Variants in GALNTL6 observed in about 807,000 individuals in gnomAD.
GALNTL6 encodes the protein polypeptide N-acetylgalactosaminyltransferase like 6, also known as polypeptide N-acetylgalactosaminyltransferase-like 6.
Under a neutral mutation model 73.7 loss-of-function variants are expected in GALNTL6, and 46 were observed. That is an observed-to-expected ratio of 0.62 (90% CI 0.49 to 0.80). The LOEUF is 0.80. Ranked by LOEUF, GALNTL6 falls within the 30% of genes least tolerant of loss-of-function variation. The pLI is 0.00. For synonymous variants in GALNTL6, 259 were observed against 263.7 expected (o/e 0.98, Z 0.17); for missense variants, 604 against 755.0 (o/e 0.80, Z 2.34).
chr4:172,769,267 G>A (rs1009959049), intron 5 of GALNTL6, among the ~76,000 whole-genome samples: 4 of 151,788 alleles, frequency 2.6e-5, no homozygotes, highest in Middle Eastern at 3.2e-3. Context: ...CTGGCTTGAG[G>A]TTTTAAAAAA....
At chr4:172,699,798 G>C (rs1208137004) in intron 5 of GALNTL6, among the ~76,000 whole-genome samples, 1 of 145,092 alleles carries the variant, frequency 6.9e-6, no homozygotes, top group East Asian at 1.9e-4. Flanking sequence ...GTGAAATATT[G>C]ATGTATTACA....
rs993906788 is a variant in GALNTL6, at chr4:172,940,369, CT to C, written c.1149+9112del. Among the ~76,000 whole-genome samples, 1,266 of 145,812 alleles carry C rather than the reference CT, an allele frequency of 8.7e-3. 19 individuals are homozygous for C. Among genetic ancestry groups the C allele is most frequent in the African/African-American group, 0.028 (1,134 of 40,036 alleles). On this transcript the variant is annotated intron_variant, in intron 9 of 12. Transcript: ENST00000506823. ...TTTATAGAATACAGAAAGTAATTTTCTTTTTTTTTTTGAAATGGAGTCCCAC... is the reference window on the plus strand; with the variant it reads ...TTTATAGAATACAGAAAGTAATTTTCTTTTTTTTTTGAAATGGAGTCCCAC...
At chr4:172,719,801 G>C (rs1426116710) in intron 5 of GALNTL6, among the ~76,000 whole-genome samples, 4 of 152,188 alleles carry the variant, frequency 2.6e-5, no homozygotes, top group Non-Finnish European at 5.9e-5. Flanking sequence ...AGGAATAAAA[G>C]AATGGCTACT....
chr4:172,547,903 G>A (rs1874504), intron 5 of GALNTL6, among the ~76,000 whole-genome samples: 126,622 of 152,130 alleles, frequency 0.83, 52,833 homozygotes, highest in Non-Finnish European at 0.87. Context: ...TCTGAAATTG[G>A]TTTGATGCTC....
At chr4:172,724,998 G>C (rs1281579650) in intron 5 of GALNTL6, among the ~76,000 whole-genome samples, 2 of 152,010 alleles carry the variant, frequency 1.3e-5, no homozygotes, top group Non-Finnish European at 2.9e-5. Flanking sequence ...TGCAATGGAA[G>C]TCTTCGTCTC....
chr4:172,348,567 T>A lies in GALNTL6; in HGVS notation c.431T>A (p.Ile144Asn). 1.2e-6 allele frequency: 2 copies of A among 1,613,320 alleles called. No individual in the cohort carries two copies. Among genetic ancestry groups the A allele is most frequent in the Non-Finnish European group, 1.7e-6 (2 of 1,179,414 alleles). ...CTGGAAAGGCTGCCAAACACCAGCA[T>A]CATTATCCCATTTCATAATGAAGGT... is the stretch of plus-strand genomic sequence containing the variant. ...MYLERLPNTS[I>N]IIPFHNEGWT... The change falls in exon 5 of 13, where the codon ATC (isoleucine) becomes AAC (asparagine). Residue 144 changes from isoleucine to asparagine, a missense_variant. Around this residue, in one of 5 missense-constraint regions of GALNTL6, gnomAD observed 9 missense variants for 30.3 expected, o/e 0.30. Transcript: ENST00000506823.
intron 2 of GALNTL6, among the ~76,000 whole-genome samples, chr4:171,952,051 C>A (rs961865468): frequency 1.3e-5 from 2 of 151,780 alleles, no homozygotes; most frequent in East Asian, 1.9e-4. Context: ...AACAAAAAAA[C>A]CATTCTTTGA....
chr4:173,004,112 C>A (rs1752168482), intron 10 of GALNTL6, among the ~76,000 whole-genome samples: 2 of 151,114 alleles, frequency 1.3e-5, no homozygotes, highest in African/African-American at 4.9e-5. Context: ...GAGTTAAAGA[C>A]TGTGGCAAGC....
chr4:172,271,955 A>G (rs994681912), intron 3 of GALNTL6, among the ~76,000 whole-genome samples: 6 of 149,898 alleles, frequency 4.0e-5, no homozygotes, highest in African/African-American at 1.3e-4. Context: ...ATATATATAT[A>G]TATATTTTTT....
chr4:172,760,131 C>T (rs1009473028), intron 5 of GALNTL6, among the ~76,000 whole-genome samples: 9 of 151,808 alleles, frequency 5.9e-5, no homozygotes, highest in Admixed American at 1.3e-4. Flanking sequence ...CCACCGCGCC[C>T]GGCCACCACA....
chr4:172,049,240 T>C (rs1730751173), intron 2 of GALNTL6, among the ~76,000 whole-genome samples: 1 of 152,112 alleles, frequency 6.6e-6, no homozygotes, highest in African/African-American at 2.4e-5. Flanking sequence ...AAATTTTTTT[T>C]TATAGAAAGC....
intron 3 of GALNTL6, among the ~76,000 whole-genome samples, chr4:172,271,933 G>A (rs942302760): frequency 1.3e-5 from 2 of 151,192 alleles, no homozygotes; most frequent in African/African-American, 4.9e-5. Context: ...AGAGAAGATA[G>A]GGCCATCATA....
At chr4:172,152,061 C>T (rs1206137319) in intron 2 of GALNTL6, among the ~76,000 whole-genome samples, 1 of 151,970 alleles carries the variant, frequency 6.6e-6, no homozygotes, top group African/African-American at 2.4e-5. Flanking sequence ...ACTGCAACCC[C>T]CACCTCCCGG....
At chr4:172,587,692 C>T (rs1203197037) in intron 5 of GALNTL6, among the ~76,000 whole-genome samples, 2 of 152,196 alleles carry the variant, frequency 1.3e-5, no homozygotes, top group African/African-American at 4.8e-5. Context: ...CTTATACATC[C>T]TTCCAGGATC....
chr4:172,935,494 C>G (rs1007460909), intron 9 of GALNTL6, among the ~76,000 whole-genome samples: 1 of 151,914 alleles, frequency 6.6e-6, no homozygotes, highest in East Asian at 1.9e-4. Flanking sequence ...AATCCAGGAG[C>G]TGGTTTTTTG....
At chr4:171,983,317 G>T (rs903532372) in intron 2 of GALNTL6, among the ~76,000 whole-genome samples, 2 of 152,046 alleles carry the variant, frequency 1.3e-5, no homozygotes, top group African/African-American at 2.4e-5. Flanking sequence ...GGGGCTTCCA[G>T]AACTAGTTTG....
At chr4:171,865,920 A>G (rs968075578) in intron 2 of GALNTL6, among the ~76,000 whole-genome samples, 1 of 152,192 alleles carries the variant, frequency 6.6e-6, no homozygotes, top group Non-Finnish European at 1.5e-5. Context: ...CGTAACAAAT[A>G]AGACACTTAA....
At chr4:172,480,326 A>G (rs977608588) in intron 5 of GALNTL6, among the ~76,000 whole-genome samples, 9 of 152,132 alleles carry the variant, frequency 5.9e-5, no homozygotes, top group African/African-American at 2.2e-4. Flanking sequence ...AAAGAAAAAA[A>G]AAAAGTCATA....
chr4:172,734,146 G>A (rs10222748), intron 5 of GALNTL6, among the ~76,000 whole-genome samples: 54,604 of 152,062 alleles, frequency 0.36, 10,856 homozygotes, highest in African/African-American at 0.52. Context: ...CGAGATCTGT[G>A]GAACTTTGAA....
Sources: allele counts gnomAD v4.1 joint callset (sites outside exome capture counted in the v4.1 genomes callset), GRCh38; gene constraint gnomAD v4.1.1; regional missense constraint gnomAD v4.1.1; transcripts MANE v1.5; gene names NCBI Gene and HGNC (gene_info 2026-07-23, HGNC 2026-07-21).